Variants in BEND5 observed in about 807,000 individuals in gnomAD.
The protein encoded by BEND5 is BEN domain-containing protein 5.
BEND5 carries 22 observed loss-of-function variants against 43.9 expected under a neutral mutation model. That is an observed-to-expected ratio of 0.50 (90% CI 0.36 to 0.72). The LOEUF (loss-of-function observed/expected upper bound fraction) is 0.72. Ranked by LOEUF, BEND5 falls within the 30% of genes least tolerant of loss-of-function variation. The probability of loss-of-function intolerance (pLI) is 0.00; values close to 1 mark genes in which losing one functional copy is unlikely to be tolerated. For synonymous variants in BEND5, 228 were observed against 225.9 expected, an observed-to-expected ratio of 1.01 and a Z score of -0.08; for missense variants, 428 against 550.6, an observed-to-expected ratio of 0.78 and a Z score of 2.23.
At position 48,775,021 on chromosome 1, in the gene BEND5, C is replaced by T. The variant is rs534989875; in HGVS notation, c.226+1585G>A. On this transcript the variant is annotated intron_variant, in intron 1 of 5. Transcript: ENST00000371833. ...TAAGGTTACAACCTAGTTATAACTT[C>T]CTCAAGCCTATCGTCTTGGGAAATA... is the stretch of plus-strand genomic sequence containing the variant. Among the ~76,000 whole-genome samples the T allele has an allele frequency of 1.7e-3, 264 of 152,344 alleles. 1 individual carries two copies. Among genetic ancestry groups the T allele is most frequent in the Middle Eastern group, 6.8e-3 (2 of 294 alleles).
In BEND5 at chr1:48,736,155, T is replaced by G; in HGVS notation, c.1108+84A>C. 6.9e-7 allele frequency: 1 copy of G among 1,447,100 alleles called. No individual in the cohort carries two copies. The allele number at this position is 1,447,100 out of a possible 1,614,324, so 89.6% of individuals were successfully genotyped here. A position where few individuals can be genotyped will look rare whatever the true frequency, so the allele number is the denominator to read the frequency against. On this transcript the variant is annotated intron_variant, in intron 5 of 5. Transcript: ENST00000371833. The surrounding 1 kb of genome is among the most constrained non-coding windows in gnomAD (Gnocchi z 4.0). ...TGGCATGCAGAAGCTTCATAAGTAA[T>G]CGTTGAATTGAATTGTGCCTAACAC...
chr1:48,733,784 G>T (rs929505502), intron 5 of BEND5, among the ~76,000 whole-genome samples: 1 of 152,238 alleles, frequency 6.6e-6, no homozygotes, highest in East Asian at 1.9e-4. Context: ...ACAAAATTTG[G>T]TCAGGCGATC....
At position 48,762,614 on chromosome 1, in the gene BEND5, T is replaced by TTGTGTGTGTGTGTG. The variant is rs58396843; in HGVS notation, c.227-1158_227-1145dup. The stretch of plus-strand genomic sequence containing the variant: ...TAGTTAAATCCAGTCTTTAAGGGTT[T>TTGTGTGTGTGTGTG]TGTGTGTGTGTGTGTGTGTGTGTGT... On this transcript the variant is annotated intron_variant, in intron 1 of 5. Transcript: ENST00000371833. Among the ~76,000 whole-genome samples, 322 of 75,154 alleles carry TTGTGTGTGTGTGTG rather than the reference T, an allele frequency of 4.3e-3. 3 individuals are homozygous for TTGTGTGTGTGTGTG. The highest frequency in any genetic ancestry group is 0.012 in the African/African-American group (297 of 25,270). The allele number at this position is 75,154 out of a possible 152,430, so 49.3% of individuals were successfully genotyped here.
At chr1:48,751,349 T>A (rs1448353368) in intron 3 of BEND5, among the ~76,000 whole-genome samples, 1 of 152,132 alleles carries the variant, frequency 6.6e-6, no homozygotes, top group Non-Finnish European at 1.5e-5. Context: ...GAAGGCCTAA[T>A]CAGGAGGCAG....
At chr1:48,734,691 T>C (rs1416965817) in intron 5 of BEND5, among the ~76,000 whole-genome samples, 1 of 152,222 alleles carries the variant, frequency 6.6e-6, no homozygotes, top group African/African-American at 2.4e-5. Flanking sequence ...AAGATGCTTC[T>C]TCCACATCCA....
At chr1:48,744,374 T>C (rs1650404567) in intron 3 of BEND5, among the ~76,000 whole-genome samples, 1 of 152,212 alleles carries the variant, frequency 6.6e-6, no homozygotes, top group South Asian at 2.1e-4. Context: ...TTTTGAGACA[T>C]AAACAAATTC....
chr1:48,741,411 C>G (rs1649888448), intron 4 of BEND5, among the ~76,000 whole-genome samples: 1 of 152,222 alleles, frequency 6.6e-6, no homozygotes, highest in Non-Finnish European at 1.5e-5. Context: ...CTCCAGGCTG[C>G]CGACTTCCAA....
chr1:48,769,144 A>ACAGGGACTTCCAGGTCTCTTTCT (rs1644678560), intron 1 of BEND5, among the ~76,000 whole-genome samples: 1 of 152,216 alleles, frequency 6.6e-6, no homozygotes, highest in Non-Finnish European at 1.5e-5. Flanking sequence ...CTGGCCAGTC[A>ACAGGGACTTCCAGGTCTCTTTCT]CAGGGACTTC....
At chr1:48,760,058 C>A (rs1414243355) in intron 2 of BEND5, among the ~76,000 whole-genome samples, 1 of 152,180 alleles carries the variant, frequency 6.6e-6, no homozygotes, top group Non-Finnish European at 1.5e-5. Flanking sequence ...TAGTGAGATA[C>A]AAACAGAGCC....
intron 3 of BEND5, among the ~76,000 whole-genome samples, chr1:48,750,234 TG>T (rs751202973): frequency 2.0e-5 from 3 of 152,148 alleles, no homozygotes; most frequent in Admixed American, 6.5e-5. Context: ...CCCACTCCAA[TG>T]GGGAAGTGCC....
intron 3 of BEND5, among the ~76,000 whole-genome samples, chr1:48,751,792 C>T (rs1216384516): frequency 6.6e-6 from 1 of 152,190 alleles, no homozygotes; most frequent in African/African-American, 2.4e-5. Flanking sequence ...AGAAAAGGGA[C>T]AGCCTGGAGT....
At chr1:48,735,220 T>C (rs1557920796) in intron 5 of BEND5, among the ~76,000 whole-genome samples, 2 of 152,252 alleles carry the variant, frequency 1.3e-5, no homozygotes, top group Admixed American at 6.5e-5. Flanking sequence ...TTGCTCCCTC[T>C]ACACCATGGT....
At chr1:48,755,408 C>T (rs901780896) in intron 3 of BEND5, among the ~76,000 whole-genome samples, 2 of 152,212 alleles carry the variant, frequency 1.3e-5, no homozygotes, top group Non-Finnish European at 2.9e-5. Context: ...GTGAATGATC[C>T]AGCACCCAAG....
intron 5 of BEND5, among the ~76,000 whole-genome samples, chr1:48,733,701 G>A (rs1044239835): frequency 6.6e-6 from 1 of 152,150 alleles, no homozygotes; most frequent in Non-Finnish European, 1.5e-5. Context: ...ATCTTACGAG[G>A]TAAGATGATT....
At chr1:48,751,830 C>T (rs1291035554) in intron 3 of BEND5, among the ~76,000 whole-genome samples, 1 of 152,150 alleles carries the variant, frequency 6.6e-6, no homozygotes. Flanking sequence ...CCCACTGCCC[C>T]CAGGAAAACG....
At chr1:48,728,249 G>A (rs1019007962) in intron 5 of BEND5, among the ~76,000 whole-genome samples, 1 of 152,132 alleles carries the variant, frequency 6.6e-6, no homozygotes, top group Admixed American at 6.5e-5. Context: ...TAAAAGTAAT[G>A]ATAAAGTGTC....
In BEND5 at chr1:48,727,877, A is replaced by T; in HGVS notation, c.*9T>A. The T allele has an allele frequency of 3.1e-6, 5 of 1,600,240 alleles. No individual in the cohort carries two copies. The highest frequency in any genetic ancestry group is 4.3e-6 in the Non-Finnish European group (5 of 1,170,136). ...GGAAAACACGAAAGCTTTATGAAAAATCCAAAGTTTATTGCAAATTGTATT... is the reference window on the plus strand; with the variant it reads ...GGAAAACACGAAAGCTTTATGAAAATTCCAAAGTTTATTGCAAATTGTATT... On this transcript the variant is annotated 3_prime_UTR_variant, in exon 6 of 6. Coordinates refer to ENST00000371833, the MANE Select transcript of BEND5 (RefSeq NM_024603.4).
chr1:48,733,192 C>T (rs1158710936), intron 5 of BEND5, among the ~76,000 whole-genome samples: 1 of 152,086 alleles, frequency 6.6e-6, no homozygotes, highest in African/African-American at 2.4e-5. Context: ...GGTTTCTTTG[C>T]TTTTGTAAGA....
At chr1:48,762,614 T>TGTG (rs1644323705) in intron 1 of BEND5, among the ~76,000 whole-genome samples, 6 of 75,184 alleles carry the variant, frequency 8.0e-5, no homozygotes, top group African/African-American at 2.0e-4. Context: ...TTTAAGGGTT[T>TGTG]TGTGTGTGTG....
Sources: allele counts gnomAD v4.1 joint callset (sites outside exome capture counted in the v4.1 genomes callset), GRCh38; gene constraint gnomAD v4.1.1; non-coding constraint Gnocchi (gnomAD v3.1); transcripts MANE v1.5; gene names NCBI Gene and HGNC (gene_info 2026-07-23, HGNC 2026-07-21).